The following ZNF516 variants were observed in gnomAD, a reference collection of about 807,000 sequenced individuals.
The protein encoded by ZNF516 is zinc finger protein 516.
A neutral mutation model predicts 79.7 loss-of-function variants in ZNF516; 19 were observed. The observed-to-expected ratio is 0.24, with a 90% CI of 0.17 to 0.35. ZNF516 has a LOEUF of 0.35. ZNF516 is among the 10% of genes least tolerant of loss of function. The pLI, the probability that ZNF516 is intolerant of heterozygous loss-of-function variation, is 1.00. For synonymous variants in ZNF516, 877 were observed against 739.5 expected, an observed-to-expected ratio of 1.19 and a Z score of -3.02; for missense variants, 1,678 against 1,679.5, an observed-to-expected ratio of 1.00 and a Z score of 0.02.
In ZNF516 at chr18:76,443,254, G is replaced by C. The variant is rs538642354; in HGVS notation, c.-157-43C>G. On this transcript the variant is annotated intron_variant, in intron 2 of 6. Transcript: ENST00000443185. Reference sequence around the variant, plus strand: ...CATCATCAGCAAAGCTCCTGGCTAAGAGGGCACAGGCATGGCTGCGGGAAC... The same window carrying C: ...CATCATCAGCAAAGCTCCTGGCTAACAGGGCACAGGCATGGCTGCGGGAAC... The C allele has an allele frequency of 6.5e-6, 5 of 764,406 alleles. No individual in the cohort carries two copies. In the Admixed American group the frequency reaches 1.3e-4, roughly 21 times the overall value. The allele number at this position is 764,406 out of a possible 1,614,324, so 47.4% of individuals were successfully genotyped here. A position where few individuals can be genotyped will look rare whatever the true frequency, so the allele number is the denominator to read the frequency against.
intron 1 of ZNF516, among the ~76,000 whole-genome samples, chr18:76,479,907 T>G (rs1437269696): frequency 6.6e-6 from 1 of 152,172 alleles, no homozygotes; most frequent in Non-Finnish European, 1.5e-5. Context: ...CCCCTTAAAC[T>G]GCTGGGATCC....
chr18:76,363,766 A>G (rs1245916531), intron 6 of ZNF516, among the ~76,000 whole-genome samples: 1 of 152,218 alleles, frequency 6.6e-6, no homozygotes, highest in Non-Finnish European at 1.5e-5. Context: ...GCTCACTAAG[A>G]ACCAATTCCA....
chr18:76,492,211 C>A, intron 1 of ZNF516: 2 of 985,426 alleles, frequency 2.0e-6, no homozygotes, highest in South Asian at 4.7e-5. Flanking sequence ...CGGAAGACAC[C>A]GCGTCTCCAA....
chr18:76,479,497 C>T (rs934983190), intron 1 of ZNF516, among the ~76,000 whole-genome samples: 1 of 152,196 alleles, frequency 6.6e-6, no homozygotes, highest in Non-Finnish European at 1.5e-5. Context: ...ACGGTCCTCT[C>T]CTAACCCCTG....
At chr18:76,475,618 C>T (rs1171274985) in intron 1 of ZNF516, among the ~76,000 whole-genome samples, 3 of 152,178 alleles carry the variant, frequency 2.0e-5, no homozygotes, top group African/African-American at 7.2e-5. Flanking sequence ...GGCGGCTCCA[C>T]AGGGCAGCAG....
At chr18:76,400,539 G>C (rs1312787204) in intron 3 of ZNF516, among the ~76,000 whole-genome samples, 1 of 152,136 alleles carries the variant, frequency 6.6e-6, no homozygotes, top group Non-Finnish European at 1.5e-5. Flanking sequence ...TTCACAACCT[G>C]GCTGGTACTG....
intron 2 of ZNF516, among the ~76,000 whole-genome samples, chr18:76,450,180 C>A (rs1032304223): frequency 1.5e-5 from 1 of 67,618 alleles, no homozygotes. Flanking sequence ...ACTCATGAAA[C>A]TAAAGGGGGG....
At chr18:76,436,634 G>A (rs752598911) in intron 3 of ZNF516, among the ~76,000 whole-genome samples, 3 of 152,108 alleles carry the variant, frequency 2.0e-5, no homozygotes, top group African/African-American at 4.8e-5. Context: ...TTGAAGAAAC[G>A]CTTAGAAGAA....
chr18:76,488,149 CG>C (rs1914941087), intron 1 of ZNF516: 1 of 985,176 alleles, frequency 1.0e-6, no homozygotes. Flanking sequence ...GACCCCACAA[CG>C]GATGCACAGC....
intron 1 of ZNF516, among the ~76,000 whole-genome samples, chr18:76,480,468 T>TATATATACACACAC (rs1224987909): frequency 6.7e-6 from 1 of 150,338 alleles, no homozygotes; most frequent in Non-Finnish European, 1.5e-5. Flanking sequence ...GGTTTTTACA[T>TATATATACACACAC]ATATATACAC....
At chr18:76,439,550 C>T (rs937387978) in intron 3 of ZNF516, among the ~76,000 whole-genome samples, 4 of 152,100 alleles carry the variant, frequency 2.6e-5, no homozygotes, top group Non-Finnish European at 5.9e-5. Flanking sequence ...GTCTTTAAGA[C>T]ATAAACAGTA....
chr18:76,465,140 A>G (rs756661340), intron 1 of ZNF516, among the ~76,000 whole-genome samples: 1 of 152,244 alleles, frequency 6.6e-6, no homozygotes, highest in Non-Finnish European at 1.5e-5. Flanking sequence ...TCTGCTGGAC[A>G]TCGTGTCTTC....
intron 6 of ZNF516, among the ~76,000 whole-genome samples, chr18:76,367,562 A>T (rs1460858328): frequency 6.6e-6 from 1 of 152,026 alleles, no homozygotes; most frequent in Non-Finnish European, 1.5e-5. Context: ...CTCCAGTGGA[A>T]TGTGTTCCTC....
At chr18:76,422,906 A>G (rs1212196561) in intron 3 of ZNF516, among the ~76,000 whole-genome samples, 1 of 152,174 alleles carries the variant, frequency 6.6e-6, no homozygotes, top group African/African-American at 2.4e-5. Context: ...AGCAAAGATA[A>G]TTTATTTCTG....
rs554088331 is a variant in ZNF516, at chr18:76,412,122, T to C, written c.1810+29123A>G. Among the ~76,000 whole-genome samples, 28 of 152,262 alleles carry C rather than the reference T, an allele frequency of 1.8e-4. No homozygotes were observed. In the East Asian group the frequency reaches 3.7e-3, roughly 20 times the overall value. On this transcript the variant is annotated intron_variant, in intron 3 of 6. Transcript: ENST00000443185. ...ACCATGTAGATGGTAAATAGTGGCA[T>C]TGTTGCAGCTGAATGTCAAAAACTA...
intron 3 of ZNF516, among the ~76,000 whole-genome samples, chr18:76,438,721 T>C (rs963581775): frequency 7.9e-4 from 120 of 152,350 alleles, no homozygotes; most frequent in African/African-American, 2.8e-3. Flanking sequence ...CTTAATCTAA[T>C]AATGCAAATT....
chr18:76,487,215 G>A (rs778506611), intron 1 of ZNF516, among the ~76,000 whole-genome samples: 1 of 152,158 alleles, frequency 6.6e-6, no homozygotes, highest in Non-Finnish European at 1.5e-5. Flanking sequence ...AACATCTCAG[G>A]CTAGACATAA....
intron 4 of ZNF516, among the ~76,000 whole-genome samples, chr18:76,377,243 C>A (rs551471107): frequency 1.3e-5 from 2 of 152,236 alleles, no homozygotes; most frequent in Non-Finnish European, 2.9e-5. Flanking sequence ...GCCTCAGGGA[C>A]GCCACTCCTG....
chr18:76,365,242 A>G (rs1016452393), intron 6 of ZNF516, among the ~76,000 whole-genome samples: 1 of 152,270 alleles, frequency 6.6e-6, no homozygotes, highest in Non-Finnish European at 1.5e-5. Context: ...GAAATAAACT[A>G]TTAATCATAG....
Sources: allele counts gnomAD v4.1 joint callset (sites outside exome capture counted in the v4.1 genomes callset), GRCh38; gene constraint gnomAD v4.1.1; transcripts MANE v1.5; gene names NCBI Gene and HGNC (gene_info 2026-07-23, HGNC 2026-07-21).